PPP3CA: variants seen among roughly 807,000 people sequenced by gnomAD.
The protein encoded by PPP3CA is protein phosphatase 3 catalytic subunit alpha.
In PPP3CA, 14 loss-of-function variants were observed where a neutral mutation model predicts 66.5. That is an observed-to-expected ratio of 0.21 (90% CI 0.14 to 0.33). PPP3CA has a LOEUF of 0.33. PPP3CA is among the 10% of genes least tolerant of loss of function. The pLI, the probability that PPP3CA is intolerant of heterozygous loss-of-function variation, is 1.00. For missense variants in PPP3CA, 317 were observed against 639.5 expected (o/e 0.50, Z 5.44); for synonymous variants, 232 against 226.2 (o/e 1.03, Z -0.23).
chr4:101,157,573 T>C (rs147075343), intron 2 of PPP3CA, among the ~76,000 whole-genome samples: 155 of 152,258 alleles, frequency 1.0e-3, no homozygotes, highest in African/African-American at 3.4e-3. Context: ...AGAGGTAACC[T>C]AGTACAAGGA....
At chr4:101,235,329 C>A (rs1445108023) in intron 1 of PPP3CA, among the ~76,000 whole-genome samples, 4 of 151,774 alleles carry the variant, frequency 2.6e-5, no homozygotes, top group Non-Finnish European at 5.9e-5. Flanking sequence ...TGAGGTTGCC[C>A]ACTCTTCCTG....
At chr4:101,217,656 C>A (rs1333474621) in intron 1 of PPP3CA, among the ~76,000 whole-genome samples, 2 of 152,092 alleles carry the variant, frequency 1.3e-5, no homozygotes, top group African/African-American at 4.8e-5. Context: ...AATCGCTTTG[C>A]GTTTTCAAAA....
intron 6 of PPP3CA, among the ~76,000 whole-genome samples, chr4:101,092,938 G>A (rs982842043): frequency 1.3e-5 from 2 of 152,108 alleles, no homozygotes; most frequent in African/African-American, 2.4e-5. Context: ...TGTCTTTATA[G>A]TAGAATGATA....
intron 8 of PPP3CA, among the ~76,000 whole-genome samples, chr4:101,063,859 T>C (rs892809376): frequency 6.6e-6 from 1 of 151,968 alleles, no homozygotes; most frequent in African/African-American, 2.4e-5. Flanking sequence ...ATAATAATTG[T>C]ACATAATTAT....
chr4:101,113,007 T>C (rs1721723566), intron 2 of PPP3CA, among the ~76,000 whole-genome samples: 1 of 152,070 alleles, frequency 6.6e-6, no homozygotes, highest in African/African-American at 2.4e-5. Flanking sequence ...GCCAGAGATT[T>C]TGAGATACCC....
intron 1 of PPP3CA, among the ~76,000 whole-genome samples, chr4:101,300,215 T>C (rs1728332296): frequency 6.6e-6 from 1 of 152,128 alleles, no homozygotes. Context: ...ATTAGTAAGG[T>C]TAATGTCCAC....
chr4:101,300,504 C>G (rs1477989301), intron 1 of PPP3CA, among the ~76,000 whole-genome samples: 1 of 152,028 alleles, frequency 6.6e-6, no homozygotes, highest in Non-Finnish European at 1.5e-5. Flanking sequence ...TTTAAAATCC[C>G]TTTTTGCCAG....
intron 1 of PPP3CA, among the ~76,000 whole-genome samples, chr4:101,345,081 T>C (rs1196690429): frequency 3.3e-5 from 5 of 152,136 alleles, no homozygotes; most frequent in African/African-American, 1.2e-4. Context: ...AAAAATAAAA[T>C]AGCTGTGCAT....
chr4:101,109,114 T>C (rs1156721497), intron 2 of PPP3CA, 36 bp from the exon 3 acceptor site: 17 of 1,576,900 alleles, frequency 1.1e-5, no homozygotes, highest in Non-Finnish European at 1.4e-5. Context: ...GGTCATATTA[T>C]GTTAGGACTT....
intron 2 of PPP3CA, among the ~76,000 whole-genome samples, chr4:101,137,475 C>A (rs966718614): frequency 6.6e-6 from 1 of 152,022 alleles, no homozygotes; most frequent in Non-Finnish European, 1.5e-5. Flanking sequence ...CGCAAATAAA[C>A]CTGTCCAGGC....
At chr4:101,315,671 A>G (rs1467916842) in intron 1 of PPP3CA, among the ~76,000 whole-genome samples, 2 of 152,232 alleles carry the variant, frequency 1.3e-5, no homozygotes, top group African/African-American at 4.8e-5. Flanking sequence ...CTTAAATAAG[A>G]TAGAAGCTCA....
At chr4:101,254,522 A>G (rs1726778759) in intron 1 of PPP3CA, among the ~76,000 whole-genome samples, 1 of 151,926 alleles carries the variant, frequency 6.6e-6, no homozygotes, top group Admixed American at 6.6e-5. Context: ...CCTAATGCTA[A>G]TAGTTCCTGA....
At chr4:101,266,016 T>A (rs750296519) in intron 1 of PPP3CA, among the ~76,000 whole-genome samples, 10 of 152,216 alleles carry the variant, frequency 6.6e-5, no homozygotes, top group Non-Finnish European at 1.5e-4. Context: ...ATCACCTTTA[T>A]ATATAGAACT....
intron 1 of PPP3CA, among the ~76,000 whole-genome samples, chr4:101,285,385 T>C (rs1288829354): frequency 1.3e-5 from 2 of 151,934 alleles, no homozygotes; most frequent in African/African-American, 4.9e-5. Flanking sequence ...TTACATCTAA[T>C]ATCACTAATC....
intron 6 of PPP3CA, among the ~76,000 whole-genome samples, chr4:101,085,135 AG>A (rs1729607682): frequency 6.6e-6 from 1 of 152,250 alleles, no homozygotes; most frequent in Non-Finnish European, 1.5e-5. Context: ...TAGCTATAAA[AG>A]GCCCAGCTAA....
At chr4:101,106,530 T>G (rs1560605488) in intron 3 of PPP3CA, among the ~76,000 whole-genome samples, 1 of 148,234 alleles carries the variant, frequency 6.7e-6, no homozygotes, top group African/African-American at 2.5e-5. Flanking sequence ...AAGAAAACAT[T>G]CTATATAACC....
chr4:101,154,794 C>T (rs1292115688), intron 2 of PPP3CA, among the ~76,000 whole-genome samples: 1 of 149,080 alleles, frequency 6.7e-6, no homozygotes, highest in East Asian at 2.0e-4. Flanking sequence ...CTTCAGAACA[C>T]ATTCACTCCC....
chr4:101,083,052 C>CA, intron 7 of PPP3CA, 134 bp downstream of exon 7: 1 of 547,146 alleles, frequency 1.8e-6, no homozygotes, highest in South Asian at 6.0e-5. Flanking sequence ...TGTCATCCAT[C>CA]AGAAGATAAT....
chr4:101,029,682 C>T (rs1055518847), intron 12 of PPP3CA, among the ~76,000 whole-genome samples: 1 of 151,608 alleles, frequency 6.6e-6, no homozygotes, highest in Admixed American at 6.6e-5. Context: ...TAATATTAAA[C>T]AGCACTATTT....
Sources: allele counts gnomAD v4.1 joint callset (sites outside exome capture counted in the v4.1 genomes callset), GRCh38; gene constraint gnomAD v4.1.1; transcripts MANE v1.5; gene names NCBI Gene and HGNC (gene_info 2026-07-23, HGNC 2026-07-21).